The following LIMK2 variants were observed in gnomAD, a reference collection of about 807,000 sequenced individuals.
The protein encoded by LIMK2 is LIM domain kinase 2.
LIMK2 carries 35 observed loss-of-function variants against 75.7 expected under a neutral mutation model. The ratio of observed to expected loss-of-function variants is 0.46; its 90% CI spans 0.35 to 0.61. The LOEUF (loss-of-function observed/expected upper bound fraction) is 0.61, where lower values mean the gene tolerates loss of function less well. Ranked by LOEUF, LIMK2 falls within the 20% of genes least tolerant of loss-of-function variation. LIMK2 has a pLI of 0.00. For missense variants in LIMK2, 623 were observed against 831.0 expected, an observed-to-expected ratio of 0.75 and a Z score of 3.08; for synonymous variants, 301 against 319.2, an observed-to-expected ratio of 0.94 and a Z score of 0.61.
At chr22:31,216,394 G>A (rs1404319320) in intron 1 of LIMK2, among the ~76,000 whole-genome samples, 1 of 152,150 alleles carries the variant, frequency 6.6e-6, no homozygotes, top group African/African-American at 2.4e-5. Flanking sequence ...AGGTACAGCT[G>A]AGAATGTGGG....
At chr22:31,270,359 T>C (rs1004461897) in intron 11 of LIMK2, among the ~76,000 whole-genome samples, 4 of 152,152 alleles carry the variant, frequency 2.6e-5, no homozygotes, top group Admixed American at 2.0e-4. Context: ...GGACAGTCTT[T>C]GAGGAGCACT....
intron 11 of LIMK2, among the ~76,000 whole-genome samples, chr22:31,270,271 C>G (rs1044722883): frequency 2.0e-5 from 3 of 152,046 alleles, no homozygotes; most frequent in African/African-American, 7.2e-5. Context: ...TGGCTTTGAG[C>G]AGGGCTGACA....
intron 2 of LIMK2, among the ~76,000 whole-genome samples, chr22:31,240,849 A>C (rs1298623731): frequency 6.6e-6 from 1 of 152,220 alleles, no homozygotes; most frequent in Non-Finnish European, 1.5e-5. Flanking sequence ...CTACTTAGCC[A>C]AGGCTTAACA....
chr22:31,236,148 G>A (rs1437833413), intron 2 of LIMK2, among the ~76,000 whole-genome samples: 1 of 151,982 alleles, frequency 6.6e-6, no homozygotes, highest in Non-Finnish European at 1.5e-5. Flanking sequence ...ACAAAAATTA[G>A]CCAGGCATGA....
rs1412642793 is a variant in LIMK2, at chr22:31,278,737, C to G, written c.*296C>G. On this transcript the variant is annotated 3_prime_UTR_variant, in exon 16 of 16. Transcript: ENST00000331728. ...AGGAGGAATCTGTTACTCGAATCCA[C>G]CCAGGAACTCCCTGGCAGTGGATTG... 8.4e-6 allele frequency: 2 copies of G among 239,382 alleles called. No individual in the cohort carries two copies. The highest frequency in any genetic ancestry group is 1.6e-5 in the Non-Finnish European group (2 of 122,998). The allele number at this position is 239,382 out of a possible 1,614,324, so 14.8% of individuals were successfully genotyped here. A position where few individuals can be genotyped will look rare whatever the true frequency, so the allele number is the denominator to read the frequency against.
chr22:31,271,117 G>A lies in LIMK2; in HGVS notation c.1318-19G>A, dbSNP rs761698678. 6.2e-7 allele frequency: 1 copy of A among 1,611,988 alleles called. No individual in the cohort carries two copies. Among genetic ancestry groups the A allele is most frequent in the Non-Finnish European group, 8.5e-7 (1 of 1,178,086 alleles). ...TTGATTTGCTGGCCCTGTAGCCTCA[G>A]CTCATGCTTCTGTTCCAGGCCTATT... is the stretch of plus-strand genomic sequence containing the variant. On this transcript the variant is annotated intron_variant, in intron 11 of 15. Coordinates refer to ENST00000331728, the MANE Select transcript of LIMK2 (RefSeq NM_005569.4).
intron 2 of LIMK2, among the ~76,000 whole-genome samples, chr22:31,251,199 G>C (rs979874877): frequency 6.6e-6 from 1 of 152,096 alleles, no homozygotes; most frequent in Non-Finnish European, 1.5e-5. Flanking sequence ...GGCTTTTGTC[G>C]GACATCTTTA....
rs66507268 is a variant in LIMK2, at chr22:31,275,063, TC to T, written c.1615-86del. 37,131 of 1,296,922 alleles carry T rather than the reference TC, an allele frequency of 0.029. 4,631 individuals are homozygous for T. The East Asian group carries it at 0.41, about 14-fold the overall frequency. 80.3% of individuals were successfully genotyped at this position (1,296,922 alleles called of 1,614,324 possible). On this transcript the variant is annotated intron_variant, in intron 14 of 15. Transcript: ENST00000331728. ...TTACCACCTCCTCTTCTGCCATTCT[TC>T]CTGTCCACATCCCAGCATCCCTTTC...
chr22:31,238,114 C>CAAAAAAA (rs34428618), intron 2 of LIMK2, among the ~76,000 whole-genome samples: 2 of 80,560 alleles, frequency 2.5e-5, no homozygotes, highest in African/African-American at 4.1e-5. Flanking sequence ...GACACTGTCT[C>CAAAAAAA]AAAAAAAAAA....
At chr22:31,274,934 C>G (rs1399713304) in intron 14 of LIMK2, among the ~76,000 whole-genome samples, 1 of 152,014 alleles carries the variant, frequency 6.6e-6, no homozygotes, top group Non-Finnish European at 1.5e-5. Flanking sequence ...GCAGTGAAGC[C>G]CCTTCTTAGT....
At chr22:31,274,549 C>T (rs1037948621) in intron 14 of LIMK2, among the ~76,000 whole-genome samples, 13 of 152,038 alleles carry the variant, frequency 8.6e-5, no homozygotes, top group Admixed American at 2.6e-4. Flanking sequence ...TACAGGTGTG[C>T]GCCACCACGC....
intron 13 of LIMK2, 146 bp downstream of exon 13, chr22:31,272,850 G>A (rs1253444782): frequency 8.5e-6 from 12 of 1,408,734 alleles, no homozygotes; most frequent in Middle Eastern, 2.6e-4. Flanking sequence ...GCCAGGTGGG[G>A]CCTCACGATT....
intron 15 of LIMK2, 106 bp downstream of exon 15, chr22:31,275,414 G>C (rs754568162): frequency 8.7e-7 from 1 of 1,150,572 alleles, no homozygotes. Context: ...GAGAAGCCTT[G>C]AGGTCAAGAA....
chr22:31,276,722 G>T (rs1428401004), intron 15 of LIMK2: 5 of 1,448,226 alleles, frequency 3.5e-6, no homozygotes, highest in Admixed American at 2.9e-5. Flanking sequence ...GGGGCGCGGC[G>T]TTGGCGGCCC....
chr22:31,243,291 G>C (rs2048639462), intron 2 of LIMK2, among the ~76,000 whole-genome samples: 1 of 152,134 alleles, frequency 6.6e-6, no homozygotes, highest in African/African-American at 2.4e-5. Flanking sequence ...GGAGGAGTGG[G>C]GCACGAAAGA....
At chr22:31,234,201 G>A (rs2048551822) in intron 2 of LIMK2, among the ~76,000 whole-genome samples, 1 of 151,408 alleles carries the variant, frequency 6.6e-6, no homozygotes, top group African/African-American at 2.4e-5. Flanking sequence ...TAGTAGAGAT[G>A]GGGTTTTGCC....
Position 31,241,036 on chromosome 22 carries a change from A to G in LIMK2, c.116+15217A>G, listed in dbSNP as rs146113875. Among the ~76,000 whole-genome samples the G allele has an allele frequency of 1.5e-3, 222 of 152,274 alleles. 1 individual carries two copies. Among genetic ancestry groups the G allele is most frequent in the African/African-American group, 5.3e-3 (219 of 41,552 alleles). On this transcript the variant is annotated intron_variant, in intron 2 of 15. Coordinates refer to ENST00000331728, the MANE Select transcript of LIMK2 (RefSeq NM_005569.4). Reference sequence around the variant, plus strand: ...ATCAAGTGGAAAAGCACTTAGGAAAAAGAAAAGCATTGGTTTTCAATTGTT... The same window carrying G: ...ATCAAGTGGAAAAGCACTTAGGAAAGAGAAAAGCATTGGTTTTCAATTGTT...
At chr22:31,241,334 G>C (rs1051392620) in intron 2 of LIMK2, among the ~76,000 whole-genome samples, 4 of 152,184 alleles carry the variant, frequency 2.6e-5, no homozygotes, top group African/African-American at 9.7e-5. Context: ...TCAGTTCCTA[G>C]ACCTGTGACC....
At chr22:31,270,091 C>A (rs556443525) in intron 11 of LIMK2, among the ~76,000 whole-genome samples, 2 of 152,282 alleles carry the variant, frequency 1.3e-5, no homozygotes, top group African/African-American at 2.4e-5. Context: ...CCCTGCTGTT[C>A]TGTGCTAGCA....
Sources: allele counts gnomAD v4.1 joint callset (sites outside exome capture counted in the v4.1 genomes callset), GRCh38; gene constraint gnomAD v4.1.1; transcripts MANE v1.5; gene names NCBI Gene and HGNC (gene_info 2026-07-23, HGNC 2026-07-21).